The following ARID3C variants were observed in gnomAD, a reference collection of about 807,000 sequenced individuals.
The protein encoded by ARID3C is AT-rich interactive domain-containing protein 3C.
ARID3C carries 42 observed loss-of-function variants against 37.9 expected under a neutral mutation model. That is an observed-to-expected ratio of 1.11 (90% CI 0.87 to 1.43). ARID3C has a LOEUF of 1.43. ARID3C is among the 40% of genes most tolerant of loss of function. The pLI is 0.00. For synonymous variants in ARID3C, 213 were observed against 228.0 expected, an observed-to-expected ratio of 0.93 and a Z score of 0.59; for missense variants, 581 against 548.8, an observed-to-expected ratio of 1.06 and a Z score of -0.59.
chr9:34,621,692 T>A, intron 6 of ARID3C, 134 bp from the exon 8 acceptor site: 1 of 694,432 alleles, frequency 1.4e-6, no homozygotes, highest in East Asian at 2.8e-5. Flanking sequence ...CACAAACCAA[T>A]GAGGACAAGC....
chr9:34,622,508 G>A (rs1212837454), exon 5 of ARID3C: 1 of 1,608,590 alleles, frequency 6.2e-7, no homozygotes, highest in Admixed American at 1.7e-5. Context: ...TGCCAGACAA[G>A]GGTTTGGAAT....
At chr9:34,631,571 T>C (rs560681994), upstream of ARID3C, among the ~76,000 whole-genome samples, 4 of 151,854 alleles carry the variant, frequency 2.6e-5, no homozygotes, top group South Asian at 8.3e-4. Flanking sequence ...AAAGTCCTTA[T>C]TATAATGGTA....
intron 4 of ARID3C, 77 bp from the exon 6 acceptor site, chr9:34,622,606 A>C: frequency 7.0e-7 from 1 of 1,426,050 alleles, no homozygotes; most frequent in Non-Finnish European, 9.4e-7. Flanking sequence ...GCCTGGGACC[A>C]AAAGAGGTAA....
At position 34,622,118 on chromosome 9, in the gene ARID3C, G is replaced by A; in HGVS notation, c.1049-9C>T. 6.2e-7 allele frequency: 1 copy of A among 1,613,652 alleles called. No homozygotes were observed. The highest frequency in any genetic ancestry group is 8.5e-7 in the Non-Finnish European group (1 of 1,179,788). On this transcript the variant is annotated splice_polypyrimidine_tract_variant and intron_variant, in intron 5 of 6. Transcript: ENST00000378909. ...CCCATCCAGCCGCTCTTCTGTCCAG[G>A]AGGGGGCAGAGGAATCACATTTTGG...
At chr9:34,621,647 T>C (rs1820563859) in intron 6 of ARID3C, 89 bp from the exon 8 acceptor site, 1 of 984,048 alleles carries the variant, frequency 1.0e-6, no homozygotes, top group Non-Finnish European at 1.5e-6. Context: ...AAAGTAAGTG[T>C]TCTGGTTGCT....
chr9:34,625,614 G>A, intron 2 of ARID3C, 128 bp downstream of exon 3: 3 of 764,098 alleles, frequency 3.9e-6, no homozygotes, highest in Non-Finnish European at 6.1e-6. Context: ...AGAGGTTAAA[G>A]ACGCTATCGA....
At position 34,622,103 on chromosome 9, in the gene ARID3C, C is replaced by T. The variant is rs542266902; in HGVS notation, c.1055G>A (p.Arg352Gln). 1.9e-5 allele frequency: 30 copies of T among 1,614,064 alleles called. No homozygotes were observed. Among genetic ancestry groups the T allele is most frequent in the South Asian group, 9.9e-5 (9 of 91,088 alleles). The change falls in exon 6 of 7, where the codon CGG (arginine) becomes CAG (glutamine). Residue 352 changes from arginine to glutamine, a missense_variant. By Grantham distance (43) the Arg-to-Gln change is conservative (BLOSUM62 1). Coordinates refer to ENST00000378909, the Ensembl canonical transcript of ARID3C. The stretch of plus-strand genomic sequence containing the variant: ...TGCCAGATTAAGAGGCCCATCCAGC[C>T]GCTCTTCTGTCCAGGAGGGGGCAGA...
At chr9:34,627,908 C>T (rs769170619) in exon 1 of ARID3C, 143 of 1,560,014 alleles carry the variant, frequency 9.2e-5, no homozygotes, top group Non-Finnish European at 1.2e-4. Context: ...CTGTAGGGTC[C>T]GGTGGTCAGG....
upstream of ARID3C, among the ~76,000 whole-genome samples, chr9:34,629,215 A>C (rs1820700720): frequency 6.6e-6 from 1 of 152,184 alleles, no homozygotes; most frequent in Non-Finnish European, 1.5e-5. Context: ...GGGGCGCTGG[A>C]AAGCTGCGGG....
upstream of ARID3C, among the ~76,000 whole-genome samples, chr9:34,631,732 AAC>A (rs1199803243): frequency 6.6e-6 from 1 of 152,194 alleles, no homozygotes; most frequent in African/African-American, 2.4e-5. Flanking sequence ...TTAAAACAAA[AAC>A]ATTTATTTTC....
chr9:34,622,028 A>T (rs926874040), exon 6 of ARID3C: 1 of 1,613,928 alleles, frequency 6.2e-7, no homozygotes, highest in African/African-American at 1.3e-5. Flanking sequence ...ACCAGTGTAG[A>T]CCACCCCGTT....
chr9:34,621,607 G>T, intron 6 of ARID3C, 49 bp from the exon 8 acceptor site: 1 of 1,350,632 alleles, frequency 7.4e-7, no homozygotes, highest in Non-Finnish European at 1.0e-6. Context: ...AGCAGGAGGG[G>T]GTAGGGTATG....
At chr9:34,624,172 C>A in intron 2 of ARID3C, 125 bp from the exon 4 acceptor site, 1 of 1,216,432 alleles carries the variant, frequency 8.2e-7, no homozygotes, top group Non-Finnish European at 1.1e-6. Context: ...GCGGAGCCCA[C>A]AGAACCCCAG....
At chr9:34,621,952 TA>T in intron 6 of ARID3C, 67 bp downstream of exon 7, 1 of 1,496,594 alleles carries the variant, frequency 6.7e-7, no homozygotes, top group Non-Finnish European at 9.3e-7. Flanking sequence ...AGAGGAAGTC[TA>T]AAATCCCCAT....
chr9:34,621,479 G>A, exon 7 of ARID3C: 1 of 1,532,082 alleles, frequency 6.5e-7, no homozygotes, highest in South Asian at 1.3e-5. Flanking sequence ...TGCTGGAAGG[G>A]GGCCCTGTGG....
At chr9:34,627,290 A>T (rs1820668594) in intron 1 of ARID3C, among the ~76,000 whole-genome samples, 1 of 152,092 alleles carries the variant, frequency 6.6e-6, no homozygotes, top group Admixed American at 6.5e-5. Context: ...TTGTGACTTG[A>T]TGTGTGAGAA....
chr9:34,621,369 C>A, downstream of ARID3C: 2 of 975,818 alleles, frequency 2.0e-6, no homozygotes, highest in Non-Finnish European at 2.9e-6. Context: ...GGGCTGGGTC[C>A]CAGAGTGGGC....
At chr9:34,624,578 G>C (rs1487982866) in intron 2 of ARID3C, among the ~76,000 whole-genome samples, 1 of 152,206 alleles carries the variant, frequency 6.6e-6, no homozygotes, top group African/African-American at 2.4e-5. Context: ...GCTGCCCAAG[G>C]CTGGGGGATG....
intron 4 of ARID3C, among the ~76,000 whole-genome samples, chr9:34,623,058 A>G (rs1325011022): frequency 1.3e-5 from 2 of 150,634 alleles, no homozygotes; most frequent in Non-Finnish European, 2.9e-5. Flanking sequence ...AGGCAGGAGA[A>G]TCGCTTGAAC....
Sources: allele counts gnomAD v4.1 joint callset (sites outside exome capture counted in the v4.1 genomes callset), GRCh38; gene constraint gnomAD v4.1.1; transcripts MANE v1.5; gene names NCBI Gene and HGNC (gene_info 2026-07-23, HGNC 2026-07-21).